Variants in UBOX5 observed in about 807,000 individuals in gnomAD.
The protein encoded by UBOX5 is RING finger protein 37.
In UBOX5, 28 loss-of-function variants were observed where a neutral mutation model predicts 39.0. The ratio of observed to expected loss-of-function variants is 0.72; its 90% CI spans 0.53 to 0.98. UBOX5 has a LOEUF of 0.98. UBOX5 is among the 50% of genes least tolerant of loss of function. The pLI is 0.00. For missense variants in UBOX5, 585 were observed against 674.4 expected, an observed-to-expected ratio of 0.87 and a Z score of 1.47; for synonymous variants, 283 against 275.5, an observed-to-expected ratio of 1.03 and a Z score of -0.27.
At chr20:3,114,715 C>T (rs995326669) in intron 4 of UBOX5, among the ~76,000 whole-genome samples, 4 of 152,120 alleles carry the variant, frequency 2.6e-5, no homozygotes, top group South Asian at 4.1e-4. Flanking sequence ...TTTGCGAGGC[C>T]GAGGCGGGCG....
At chr20:3,139,821 T>C (rs1184501168) in intron 1 of UBOX5, among the ~76,000 whole-genome samples, 1 of 151,984 alleles carries the variant, frequency 6.6e-6, no homozygotes, top group South Asian at 2.1e-4. Context: ...GCGATTCTCC[T>C]GCCTCAGCCT....
intron 1 of UBOX5, among the ~76,000 whole-genome samples, chr20:3,159,469 A>G (rs2066723781): frequency 6.6e-6 from 1 of 152,236 alleles, no homozygotes; most frequent in African/African-American, 2.4e-5. Flanking sequence ...ACATTCTCTT[A>G]ACAGCACCGT....
chr20:3,134,169 T>A (rs1011375086), intron 1 of UBOX5, among the ~76,000 whole-genome samples: 4 of 152,142 alleles, frequency 2.6e-5, no homozygotes, highest in Admixed American at 2.6e-4. Flanking sequence ...TGATAATATA[T>A]TATGTGTATC....
chr20:3,129,487 A>G (rs1487934727), intron 1 of UBOX5, among the ~76,000 whole-genome samples: 1 of 152,116 alleles, frequency 6.6e-6, no homozygotes, highest in Non-Finnish European at 1.5e-5. Flanking sequence ...CACTCCATTG[A>G]GCTGACCCTC....
chr20:3,152,919 T>C (rs1320195638), intron 1 of UBOX5, among the ~76,000 whole-genome samples: 1 of 147,746 alleles, frequency 6.8e-6, no homozygotes, highest in Non-Finnish European at 1.5e-5. Context: ...AAAAAAAAAG[T>C]AGATCCTAAA....
rs199678401 is a variant in UBOX5, at chr20:3,121,695, T to C, written c.944A>G (p.His315Arg). ...DPFTGVAFTP[H>R]SQPLPHPSLK... is the part of the protein sequence containing the mutation. Reference sequence around the variant, plus strand: ...GGAGGGGTGAGGCAGGGGCTGAGAGTGCGGAGTAAAAGCTACCCCCGTGAA... The same window carrying C: ...GGAGGGGTGAGGCAGGGGCTGAGAGCGCGGAGTAAAAGCTACCCCCGTGAA... Residue 315 changes from histidine to arginine, a missense_variant, in exon 3 of 5, where the codon CAC (histidine) becomes CGC (arginine). Coordinates refer to ENST00000217173, the MANE Select transcript of UBOX5 (RefSeq NM_014948.4). 33 of 1,613,304 alleles carry C rather than the reference T, an allele frequency of 2.0e-5. No homozygotes were observed. The Admixed American group carries it at 3.2e-4, about 16-fold the overall frequency.
intron 1 of UBOX5, among the ~76,000 whole-genome samples, chr20:3,154,428 T>A (rs530552855): frequency 3.9e-5 from 6 of 152,318 alleles, no homozygotes; most frequent in African/African-American, 1.4e-4. Flanking sequence ...ATTCCTGTAA[T>A]CATAGTACTC....
intron 4 of UBOX5, chr20:3,110,637 C>A: frequency 2.6e-6 from 1 of 380,244 alleles, no homozygotes; most frequent in Non-Finnish European, 5.0e-6. Context: ...GATAGGTGGC[C>A]AAGGCTGGAG....
intron 1 of UBOX5, among the ~76,000 whole-genome samples, chr20:3,159,538 AG>A (rs1426964261): frequency 6.6e-6 from 1 of 152,258 alleles, no homozygotes; most frequent in Non-Finnish European, 1.5e-5. Flanking sequence ...GGGTCAGATA[AG>A]CCCCCTGCCA....
At chr20:3,148,391 A>G (rs2066590635) in intron 1 of UBOX5, 2 of 1,614,078 alleles carry the variant, frequency 1.2e-6, no homozygotes, top group Non-Finnish European at 1.7e-6. Context: ...GGTCTCATAC[A>G]CATCTAGCAT....
Position 3,121,475 on chromosome 20 carries a change from G to C in UBOX5, c.1164C>G (p.Ser388Arg). 1 of 1,614,080 alleles carries C rather than the reference G, an allele frequency of 6.2e-7. No individual in the cohort carries two copies. The highest frequency in any genetic ancestry group is 1.1e-5 in the South Asian group (1 of 91,070). The change falls in exon 3 of 5, where the codon AGC (serine) becomes AGG (arginine). Residue 388 changes from serine to arginine, a missense_variant. Coordinates refer to ENST00000217173, the MANE Select transcript of UBOX5 (RefSeq NM_014948.4). ...GVNASCFSAT[S>R]PLVLPTTSEH... ...CTGAGGTAGTGGGTAAGACCAAAGG[G>C]CTTGTGGCAGAAAAACAGGAAGCAT...
chr20:3,132,007 CA>C lies in UBOX5; in HGVS notation c.-41-8602del, dbSNP rs35711232. 9.8e-3 allele frequency among the ~76,000 whole-genome samples: 510 copies of C among 52,156 alleles called. 1 individual carries two copies. Among genetic ancestry groups the C allele is most frequent in the African/African-American group, 0.034 (414 of 12,294 alleles). 34.2% of individuals were successfully genotyped at this position (52,156 alleles called of 152,430 possible). On this transcript the variant is annotated intron_variant, in intron 1 of 4. Coordinates refer to ENST00000217173, the MANE Select transcript of UBOX5 (RefSeq NM_014948.4). ...TGGGCAATAGAGTGAGACACTGTCT[CA>C]AAAAAAAAAAAAAAAAAAAAACTGG...
At chr20:3,154,077 G>C (rs2066660190) in intron 1 of UBOX5, among the ~76,000 whole-genome samples, 2 of 152,188 alleles carry the variant, frequency 1.3e-5, no homozygotes, top group African/African-American at 4.8e-5. Flanking sequence ...AGTAAGGAGA[G>C]CTACCACAAT....
Position 3,122,358 on chromosome 20 carries a change from C to T in UBOX5, c.281G>A (p.Trp94Ter). 6.2e-7 allele frequency: 1 copy of T among 1,614,222 alleles called. No homozygotes were observed. The highest frequency in any genetic ancestry group is 8.5e-7 in the Non-Finnish European group (1 of 1,180,038). Residue 94 changes from tryptophan to a stop codon, truncating the protein, a stop_gained, in exon 3 of 5, where the codon TGG becomes TAG. Coordinates refer to ENST00000217173, the MANE Select transcript of UBOX5 (RefSeq NM_014948.4). LOFTEE classifies it high-confidence loss of function. The stretch of plus-strand genomic sequence containing the variant: ...CAGGGTCCGGCACTGGGGCGTATTC[C>T]AAGACACTCTGCTAGATGAGGCAGA... Reference protein sequence around the residue: ...YTSASSSRVSWNTPQCRTLGP... With the variant: ...YTSASSSRVS
Position 3,115,410 on chromosome 20 carries a change from T to C in UBOX5, c.1312A>G (p.Thr438Ala), listed in dbSNP as rs1568468634. ...GTGAAGGAGGGCATAGAGCCAAGGG[T>C]GGATGCCAAGGCAATTTCCAAGCTT... ...SQSLEIALAS[T>A]LGSMPSFTAR... The change falls in exon 4 of 5, where the codon ACC becomes GCC. Residue 438 changes from threonine (T) to alanine (A), a missense_variant. Physicochemically the swap from Thr to Ala is moderately conservative, Grantham distance 58. Transcript: ENST00000217173. The C allele has an allele frequency of 6.2e-7, 1 of 1,613,944 alleles. No homozygotes were observed.
At chr20:3,136,992 G>A (rs577963140) in intron 1 of UBOX5, among the ~76,000 whole-genome samples, 109 of 148,502 alleles carry the variant, frequency 7.3e-4, no homozygotes, top group African/African-American at 2.6e-3. Flanking sequence ...CTGATGCCCG[G>A]GCTGGAGTGC....
chr20:3,132,515 T>C (rs895467110), intron 1 of UBOX5, among the ~76,000 whole-genome samples: 3 of 151,798 alleles, frequency 2.0e-5, no homozygotes, highest in Non-Finnish European at 4.4e-5. Context: ...ATAATAATAA[T>C]AACAAAGAAA....
intron 1 of UBOX5, among the ~76,000 whole-genome samples, chr20:3,151,163 GA>G (rs2066620370): frequency 6.6e-6 from 1 of 152,040 alleles, no homozygotes; most frequent in Admixed American, 6.6e-5. Flanking sequence ...CTGGCCTCCT[GA>G]AGTGCTAGTA....
In UBOX5 at chr20:3,155,172, T is replaced by C. The variant is rs545391187; in HGVS notation, c.-42+4594A>G. On this transcript the variant is annotated intron_variant, in intron 1 of 4. Transcript: ENST00000217173. ...ACTTTGGGAAGCTGAGGTGGGCGGA[T>C]TGCTTTAGGCCAGGAGTTCTAGACC... is the stretch of plus-strand genomic sequence containing the variant. Among the ~76,000 whole-genome samples, 14 of 152,046 alleles carry C rather than the reference T, an allele frequency of 9.2e-5. No homozygotes were observed. The South Asian group carries it at 1.0e-3, about 11-fold the overall frequency.
Sources: allele counts gnomAD v4.1 joint callset (sites outside exome capture counted in the v4.1 genomes callset), GRCh38; gene constraint gnomAD v4.1.1; transcripts MANE v1.5; gene names NCBI Gene and HGNC (gene_info 2026-07-23, HGNC 2026-07-21).